MRTFA: variants seen among roughly 807,000 people sequenced by gnomAD.
MRTFA encodes the protein myocardin-related transcription factor A.
Under a neutral mutation model 83.5 loss-of-function variants are expected in MRTFA, and 20 were observed. The ratio of observed to expected loss-of-function variants is 0.24; its 90% CI spans 0.17 to 0.35. MRTFA has a LOEUF of 0.35. Among genes scored for constraint, MRTFA ranks in the 10% least tolerant of loss-of-function variants. The probability of loss-of-function intolerance (pLI) is 1.00; values close to 1 mark genes in which losing one functional copy is unlikely to be tolerated. For missense variants in MRTFA, 1,200 were observed against 1,224.7 expected (o/e 0.98, Z 0.30); for synonymous variants, 659 against 541.2 (o/e 1.22, Z -3.02).
intron 2 of MRTFA, among the ~76,000 whole-genome samples, chr22:40,559,023 C>T (rs2147324710): frequency 6.6e-6 from 1 of 152,200 alleles, no homozygotes; most frequent in East Asian, 1.9e-4. Flanking sequence ...CTCAGGTGAT[C>T]CACCTGCCCC....
At chr22:40,563,010 T>C (rs1229058833) in intron 2 of MRTFA, among the ~76,000 whole-genome samples, 1 of 152,058 alleles carries the variant, frequency 6.6e-6, no homozygotes, top group Admixed American at 6.6e-5. Context: ...CTCTTGATGG[T>C]TCTACAGGGA....
chr22:40,533,350 A>G (rs898111932), intron 3 of MRTFA, among the ~76,000 whole-genome samples: 1 of 152,346 alleles, frequency 6.6e-6, no homozygotes, highest in East Asian at 1.9e-4. Flanking sequence ...TTTCTCAAAC[A>G]GGTCTCCGCA....
intron 3 of MRTFA, among the ~76,000 whole-genome samples, chr22:40,538,733 G>T (rs2055233058): frequency 6.6e-6 from 1 of 152,068 alleles, no homozygotes; most frequent in Non-Finnish European, 1.5e-5. Flanking sequence ...GAAAGCTTCA[G>T]TTCCATTATT....
chr22:40,539,705 T>C (rs572186551), intron 3 of MRTFA, among the ~76,000 whole-genome samples: 2 of 152,136 alleles, frequency 1.3e-5, no homozygotes, highest in East Asian at 1.9e-4. Flanking sequence ...GTTTTCACCA[T>C]GTTGGCCAGG....
chr22:40,568,323 T>C (rs554838780), intron 2 of MRTFA, among the ~76,000 whole-genome samples: 1 of 152,366 alleles, frequency 6.6e-6, no homozygotes, highest in Admixed American at 6.5e-5. Context: ...AAGCAATGGC[T>C]CTTCAAGTTA....
At position 40,411,236 on chromosome 22, in the gene MRTFA, G is replaced by T; in HGVS notation, c.*154C>A. Reference sequence around the variant, plus strand: ...GCGTGGCACTGAACCAGGAGTAAGGGCTTCTCTGTTCTAGCCTCCCAGGGA... The same window carrying T: ...GCGTGGCACTGAACCAGGAGTAAGGTCTTCTCTGTTCTAGCCTCCCAGGGA... On this transcript the variant is annotated 3_prime_UTR_variant, in exon 15 of 15. Coordinates refer to ENST00000355630, the MANE Select transcript of MRTFA (RefSeq NM_020831.6). The T allele has an allele frequency of 1.3e-6, 1 of 789,636 alleles. No homozygotes were observed. The highest frequency in any genetic ancestry group is 3.9e-4 in the Middle Eastern group (1 of 2,558). 48.9% of individuals were successfully genotyped at this position (789,636 alleles called of 1,614,324 possible).
At chr22:40,443,450 G>T (rs1325481782) in intron 4 of MRTFA, among the ~76,000 whole-genome samples, 2 of 151,930 alleles carry the variant, frequency 1.3e-5, no homozygotes, top group Non-Finnish European at 2.9e-5. Flanking sequence ...CAAAAAAAGA[G>T]ACATGGTGGT....
rs146736821 is a variant in MRTFA, at chr22:40,529,028, T to C, written c.241+23078A>G. On this transcript the variant is annotated intron_variant, in intron 3 of 14. Coordinates refer to ENST00000355630, the MANE Select transcript of MRTFA (RefSeq NM_020831.6). Reference sequence around the variant, plus strand: ...TATTGCTAGTGCAATCTGGAGTTTTTCGTCAGTTCTACAGACCTGTGAGTG... The same window carrying C: ...TATTGCTAGTGCAATCTGGAGTTTTCCGTCAGTTCTACAGACCTGTGAGTG... Among the ~76,000 whole-genome samples, 325 of 152,324 alleles carry C rather than the reference T, an allele frequency of 2.1e-3. 1 individual carries two copies. Among genetic ancestry groups the C allele is most frequent in the African/African-American group, 7.4e-3 (306 of 41,574 alleles).
At chr22:40,513,886 C>T (rs2054709951) in intron 3 of MRTFA, among the ~76,000 whole-genome samples, 1 of 151,696 alleles carries the variant, frequency 6.6e-6, no homozygotes, top group Non-Finnish European at 1.5e-5. Flanking sequence ...TCACTTGAGC[C>T]AGGAGTTTGA....
intron 3 of MRTFA, among the ~76,000 whole-genome samples, chr22:40,477,860 A>T (rs1310704371): frequency 6.6e-6 from 1 of 152,092 alleles, no homozygotes; most frequent in Non-Finnish European, 1.5e-5. Flanking sequence ...AACAAAAAGA[A>T]AGGGAACTAT....
At chr22:40,500,313 CTTTCT>C (rs1002094926) in intron 3 of MRTFA, among the ~76,000 whole-genome samples, 5 of 128,834 alleles carry the variant, frequency 3.9e-5, no homozygotes, top group Non-Finnish European at 6.7e-5. Flanking sequence ...TTTCATATTG[CTTTCT>C]TTTTTTTTGT....
At chr22:40,519,258 G>C (rs1178894238) in intron 3 of MRTFA, among the ~76,000 whole-genome samples, 3 of 152,206 alleles carry the variant, frequency 2.0e-5, no homozygotes, top group East Asian at 3.8e-4. Flanking sequence ...CGAAAAATGA[G>C]TGAGGATGGG....
chr22:40,578,433 A>C (rs986442018), intron 2 of MRTFA, among the ~76,000 whole-genome samples: 6 of 152,216 alleles, frequency 3.9e-5, no homozygotes, highest in African/African-American at 1.4e-4. Context: ...ATTAATCTAT[A>C]CTAAACAGAA....
At chr22:40,527,472 T>C (rs1290626532) in intron 3 of MRTFA, among the ~76,000 whole-genome samples, 1 of 151,760 alleles carries the variant, frequency 6.6e-6, no homozygotes, top group East Asian at 1.9e-4. Context: ...AAATAATGCA[T>C]GTGGGCCAGG....
At chr22:40,633,106 C>A (rs1043190601) in intron 1 of MRTFA, among the ~76,000 whole-genome samples, 1 of 152,214 alleles carries the variant, frequency 6.6e-6, no homozygotes, top group African/African-American at 2.4e-5. Flanking sequence ...AATGTTTTCT[C>A]TTTTCTCTTT....
chr22:40,539,925 T>TTC (rs1556000652), intron 3 of MRTFA, among the ~76,000 whole-genome samples: 5 of 147,420 alleles, frequency 3.4e-5, no homozygotes, highest in Non-Finnish European at 3.0e-5. Flanking sequence ...TTTTTTTTTT[T>TTC]CCCAGACAGG....
intron 3 of MRTFA, among the ~76,000 whole-genome samples, chr22:40,525,153 T>C (rs980052169): frequency 1.3e-5 from 2 of 151,994 alleles, no homozygotes; most frequent in African/African-American, 2.4e-5. Context: ...ATGCTCATCA[T>C]AGAAAATCAG....
At chr22:40,611,517 T>C (rs1200772472) in intron 1 of MRTFA, among the ~76,000 whole-genome samples, 1 of 152,078 alleles carries the variant, frequency 6.6e-6, no homozygotes, top group Non-Finnish European at 1.5e-5. Context: ...ACTGCTGAGA[T>C]GACAGGAATG....
chr22:40,614,960 G>A (rs1308889751), intron 1 of MRTFA, among the ~76,000 whole-genome samples: 1 of 151,768 alleles, frequency 6.6e-6, no homozygotes, highest in Non-Finnish European at 1.5e-5. Flanking sequence ...TTCTTATGGT[G>A]TCTTCTAAAG....
Sources: allele counts gnomAD v4.1 joint callset (sites outside exome capture counted in the v4.1 genomes callset), GRCh38; gene constraint gnomAD v4.1.1; transcripts MANE v1.5; gene names NCBI Gene and HGNC (gene_info 2026-07-23, HGNC 2026-07-21).